Variants in DDX50 observed in about 807,000 individuals in gnomAD.
DDX50 encodes the protein DExD-box helicase 50.
In DDX50, 56 loss-of-function variants were observed where a neutral mutation model predicts 94.8. The observed-to-expected ratio is 0.59, with a 90% CI of 0.48 to 0.74. The LOEUF (loss-of-function observed/expected upper bound fraction) is 0.74, where lower values mean the gene tolerates loss of function less well. Ranked by LOEUF, DDX50 falls within the 30% of genes least tolerant of loss-of-function variation. The probability of loss-of-function intolerance (pLI) is 0.00; values close to 1 mark genes in which losing one functional copy is unlikely to be tolerated. For missense variants in DDX50, 713 were observed against 881.2 expected, an observed-to-expected ratio of 0.81 and a Z score of 2.42; for synonymous variants, 264 against 295.4, an observed-to-expected ratio of 0.89 and a Z score of 1.09.
chr10:68,940,927 A>T (rs927947457), intron 12 of DDX50, 133 bp from the exon 13 acceptor site: 90 of 1,209,594 alleles, frequency 7.4e-5, no homozygotes, highest in Admixed American at 9.7e-5. Flanking sequence ...TTTCAAAAAA[A>T]TTTTTTAGCT....
chr10:68,906,792 G>A lies in DDX50; in HGVS notation c.169G>A (p.Asp57Asn). 1.2e-6 allele frequency: 2 copies of A among 1,613,688 alleles called. No homozygotes were observed. Among genetic ancestry groups the A allele is most frequent in the Non-Finnish European group, 1.7e-6 (2 of 1,179,936 alleles). ...AGAAAATGGTGTTACAGATGACCTG[G>A]ATGCTCCCAAGGCCAAAAAATCTAA... The part of the protein sequence containing the change: ...TRENGVTDDL[D>N]APKAKKSKMK... Residue 57 changes from aspartate to asparagine, a missense_variant, in exon 2 of 15, where the codon GAT becomes AAT. Asp to Asn is a conservative substitution (Grantham distance 23). Around this residue, in one of 2 missense-constraint regions of DDX50, gnomAD observed 285 missense variants for 278.9 expected, o/e 1.02. Coordinates refer to ENST00000373585, the MANE Select transcript of DDX50 (RefSeq NM_024045.2).
chr10:68,916,247 G>A (rs1841786940), intron 7 of DDX50, among the ~76,000 whole-genome samples: 1 of 151,408 alleles, frequency 6.6e-6, no homozygotes. Context: ...CCAACTACTC[G>A]GCAGGCTGAG....
chr10:68,946,800 C>T lies in DDX50; in HGVS notation c.*170C>T. The T allele has an allele frequency of 1.3e-6, 1 of 778,654 alleles. No individual in the cohort carries two copies. Among genetic ancestry groups the T allele is most frequent in the Non-Finnish European group, 2.0e-6 (1 of 509,174 alleles). The allele number at this position is 778,654 out of a possible 1,614,324, so 48.2% of individuals were successfully genotyped here. ...ACAAGAATGGAACAAATCTACTTAT[C>T]CAGTTATACCTTTGAATAAAAAAAC... On this transcript the variant is annotated 3_prime_UTR_variant, in exon 15 of 15. Coordinates refer to ENST00000373585, the MANE Select transcript of DDX50 (RefSeq NM_024045.2).
intron 14 of DDX50, among the ~76,000 whole-genome samples, chr10:68,945,373 C>T (rs1474573587): frequency 6.6e-6 from 1 of 151,988 alleles, no homozygotes; most frequent in African/African-American, 2.4e-5. Context: ...GTGGCACGAT[C>T]TCGGCTCACT....
chr10:68,943,079 G>C, intron 13 of DDX50, 134 bp from the exon 14 acceptor site: 1 of 736,370 alleles, frequency 1.4e-6, no homozygotes, highest in South Asian at 1.8e-5. Context: ...AATTCTTATT[G>C]GATACTGTGT....
intron 12 of DDX50, among the ~76,000 whole-genome samples, chr10:68,938,687 G>C (rs78763468): frequency 0.038 from 5,793 of 152,228 alleles, 349 homozygotes; most frequent in African/African-American, 0.13. Context: ...TACCTGGTAG[G>C]TGTTAATAGT....
At chr10:68,907,321 T>TC (rs578218973) in intron 2 of DDX50, among the ~76,000 whole-genome samples, 2 of 148,758 alleles carry the variant, frequency 1.3e-5, no homozygotes, top group African/African-American at 2.5e-5. Context: ...TTTTTTCTTT[T>TC]TTTTTTTTTT....
intron 11 of DDX50, among the ~76,000 whole-genome samples, chr10:68,936,539 T>C (rs1208465930): frequency 1.3e-5 from 1 of 76,756 alleles, no homozygotes; most frequent in Non-Finnish European, 2.4e-5. Flanking sequence ...TATATATATA[T>C]ATATATATAT....
chr10:68,936,833 T>C, intron 11 of DDX50, 103 bp from the exon 12 acceptor site: 2 of 1,206,764 alleles, frequency 1.7e-6, no homozygotes, highest in South Asian at 3.1e-5. Flanking sequence ...AGAGCAAGGC[T>C]CTATCTCAAA....
chr10:68,923,455 C>T (rs1407539354), intron 8 of DDX50, among the ~76,000 whole-genome samples: 1 of 151,572 alleles, frequency 6.6e-6, no homozygotes, highest in Non-Finnish European at 1.5e-5. Context: ...ATCCACTTGC[C>T]TCTGCCTCCC....
intron 4 of DDX50, 65 bp downstream of exon 4, chr10:68,911,311 G>A (rs925746149): frequency 1.0e-5 from 15 of 1,455,352 alleles, no homozygotes; most frequent in South Asian, 1.7e-5. Flanking sequence ...AAAGTTACAC[G>A]AGTCCTAAGT....
At chr10:68,924,454 C>T (rs1346724178) in intron 8 of DDX50, among the ~76,000 whole-genome samples, 1 of 152,044 alleles carries the variant, frequency 6.6e-6, no homozygotes, top group East Asian at 1.9e-4. Flanking sequence ...GCTTATTCTG[C>T]CTCTTATTGT....
At chr10:68,906,129 A>C (rs1235253834) in intron 1 of DDX50, 1 of 152,484 alleles carries the variant, frequency 6.6e-6, no homozygotes. Flanking sequence ...AAGACTATAA[A>C]GAGCCTCACG....
intron 8 of DDX50, among the ~76,000 whole-genome samples, chr10:68,929,366 T>C (rs1201984032): frequency 6.6e-6 from 1 of 150,444 alleles, no homozygotes; most frequent in Non-Finnish European, 1.5e-5. Context: ...CTTCTTTCCT[T>C]CCTTTCCTTT....
At chr10:68,932,521 A>G (rs1334115357) in intron 8 of DDX50, among the ~76,000 whole-genome samples, 1 of 152,108 alleles carries the variant, frequency 6.6e-6, no homozygotes, top group East Asian at 1.9e-4. Flanking sequence ...CAGCCTCCCA[A>G]AGTGCTGGGA....
chr10:68,916,214 C>T (rs1234079297), intron 7 of DDX50, among the ~76,000 whole-genome samples: 1 of 151,832 alleles, frequency 6.6e-6, no homozygotes, highest in East Asian at 1.9e-4. Flanking sequence ...ATTGGCTGGG[C>T]ATAGTTGCGC....
chr10:68,906,415 C>A (rs946186556), intron 1 of DDX50: 3 of 262,540 alleles, frequency 1.1e-5, no homozygotes, highest in Non-Finnish European at 2.1e-5. Flanking sequence ...ATTTATAATT[C>A]TGGGGTTGTC....
In DDX50 at chr10:68,927,534, CTACT is replaced by C. The variant is rs1467624131; in HGVS notation, c.1240-6660_1240-6657del. Among the ~76,000 whole-genome samples the C allele has an allele frequency of 3.3e-5, 5 of 152,276 alleles. No homozygotes were observed. In the East Asian group the frequency reaches 5.8e-4, roughly 18 times the overall value. On this transcript the variant is annotated intron_variant, in intron 8 of 14. Coordinates refer to ENST00000373585, the MANE Select transcript of DDX50 (RefSeq NM_024045.2). ...GATTGGGGTTTAAATCTCAGTTATG[CTACT>C]TACTAGCATAATTTTGTACATACGT...
chr10:68,944,978 T>A (rs1399239217), intron 14 of DDX50, among the ~76,000 whole-genome samples: 1 of 152,174 alleles, frequency 6.6e-6, no homozygotes, highest in Admixed American at 6.5e-5. Flanking sequence ...CCACAGTTAC[T>A]TATTTTTAAT....
Sources: gnomAD v4.1 joint callset for allele counts (sites outside exome capture counted in the v4.1 genomes callset) on GRCh38, gnomAD v4.1.1 for gene constraint, gnomAD v4.1.1 regional missense constraint, MANE v1.5 for transcripts, NCBI Gene and HGNC (gene_info 2026-07-23, HGNC 2026-07-21) for gene names.